The following ZNF649 variants were observed in gnomAD, a reference collection of about 807,000 sequenced individuals.
ZNF649 encodes zinc finger protein 649.
A neutral mutation model predicts 14.1 loss-of-function variants in ZNF649; 7 were observed. That is an observed-to-expected ratio of 0.49 (90% CI 0.28 to 0.93). The LOEUF is 0.93. Among genes scored for constraint, ZNF649 ranks in the 40% least tolerant of loss-of-function variants. The pLI is 0.10. For synonymous variants in ZNF649, 227 were observed against 212.3 expected, an observed-to-expected ratio of 1.07 and a Z score of -0.60; for missense variants, 544 against 608.1, an observed-to-expected ratio of 0.89 and a Z score of 1.11.
intron 2 of ZNF649, chr19:51,899,788 T>C (rs1387306709): frequency 6.4e-6 from 2 of 311,774 alleles, no homozygotes; most frequent in Non-Finnish European, 1.2e-5. Context: ...GTGCACATCA[T>C]GTAACTTACC....
In ZNF649 at chr19:51,899,789, G is replaced by A. The variant is rs1461932387; in HGVS notation, c.15+304C>T. The stretch of plus-strand genomic sequence containing the variant: ...TCTCCTCAGAATCAGTGCACATCAT[G>A]TAACTTACCATGATTCTCTGGGTGT... On this transcript the variant is annotated intron_variant, in intron 2 of 4. Transcript: ENST00000354957. The A allele has an allele frequency of 1.3e-5, 4 of 313,396 alleles. No homozygotes were observed. The East Asian group carries it at 2.0e-4, about 16-fold the overall frequency. 19.4% of individuals were successfully genotyped at this position (313,396 alleles called of 1,614,324 possible). A position where few individuals can be genotyped will look rare whatever the true frequency, so the allele number is the denominator to read the frequency against.
chr19:51,890,837 A>G lies in ZNF649; in HGVS notation c.1299T>C (p.Asp433=). The G allele has an allele frequency of 6.2e-7, 1 of 1,614,250 alleles. No homozygotes were observed. The highest frequency in any genetic ancestry group is 2.2e-5 in the East Asian group (1 of 44,886). ...TATAGAAGTAAGCTTTCTCACACTCATCACAGCCATAGGGTCTCTCTCCCG... is the reference window on the plus strand; with the variant it reads ...TATAGAAGTAAGCTTTCTCACACTCGTCACAGCCATAGGGTCTCTCTCCCG... ...THTGERPYGC[D]ECEKAYFYMS... The change falls in exon 5 of 5, where the codon GAT becomes GAC. Residue 433 remains aspartate, a synonymous_variant. Transcript: ENST00000354957.
intron 1 of ZNF649, among the ~76,000 whole-genome samples, chr19:51,903,967 A>C (rs2085108953): frequency 6.6e-6 from 1 of 152,188 alleles, no homozygotes; most frequent in Non-Finnish European, 1.5e-5. Flanking sequence ...TTGAAAACCG[A>C]ACTTAATCGT....
At chr19:51,904,835 G>C (rs1034407940) in intron 1 of ZNF649, 79 bp downstream of exon 1, 3 of 152,914 alleles carry the variant, frequency 2.0e-5, no homozygotes, top group African/African-American at 7.2e-5. Context: ...CCACCGCCCA[G>C]GCCGCCAGCT....
intron 4 of ZNF649, among the ~76,000 whole-genome samples, chr19:51,894,760 A>G (rs1038666987): frequency 6.6e-6 from 1 of 152,176 alleles, no homozygotes. Flanking sequence ...CAAGAAAGAC[A>G]TTTCTGTTTC....
In ZNF649 at chr19:51,890,710, T is replaced by C. The variant is rs115110562; in HGVS notation, c.1426A>G (p.Ser476Gly). The change falls in exon 5 of 5, where the codon AGT becomes GGT. Residue 476 changes from serine (S) to glycine (G), a missense_variant. By Grantham distance (56) the Ser-to-Gly change is moderately conservative (BLOSUM62 0). Transcript: ENST00000354957. Reference protein sequence around the residue: ...PSTASHSLSPSEHVQGKSPVN... With the variant: ...PSTASHSLSPGEHVQGKSPVN... The stretch of plus-strand genomic sequence containing the variant: ...GGGCTTTTCCCCTGCACATGTTCAC[T>C]AGGACTTAAGCTGTGACTTGCTGTG... 1,065 of 1,614,238 alleles carry C rather than the reference T, an allele frequency of 6.6e-4. 7 individuals are homozygous for C. The African/African-American group carries it at 0.013, about 20-fold the overall frequency.
rs765749940 is a variant in ZNF649 at position 51,891,447 on chromosome 19, C to T, written c.689G>A (p.Gly230Glu). Residue 230 changes from glycine to glutamate, a missense_variant, in exon 5 of 5, where the codon GGA (glycine) becomes GAA (glutamate). Transcript: ENST00000354957. This position sits in a 1 kb window ranked among gnomAD's most constrained non-coding sequence, Gnocchi z 4.2. ...RLTEHERAHR[G>E]EKPHGCSLCG... ...CAAGCTACACCCGTGGGGTTTCTCT[C>T]CTCTGTGAGCTCTCTCGTGTTCAGT... 1.2e-6 allele frequency: 2 copies of T among 1,613,870 alleles called. No homozygotes were observed. The highest frequency in any genetic ancestry group is 1.1e-5 in the South Asian group (1 of 91,058).
At chr19:51,903,160 T>G (rs569182876) in intron 1 of ZNF649, among the ~76,000 whole-genome samples, 1 of 152,200 alleles carries the variant, frequency 6.6e-6, no homozygotes, top group South Asian at 2.1e-4. Context: ...GAGACTCAGT[T>G]CACCACCCTC....
Position 51,890,424 on chromosome 19 carries a change from T to C in ZNF649, c.*194A>G, listed in dbSNP as rs921367004. 1.9e-5 allele frequency: 10 copies of C among 513,186 alleles called. No individual in the cohort carries two copies. Among genetic ancestry groups the C allele is most frequent in the African/African-American group, 1.5e-4 (8 of 52,190 alleles). 31.8% of individuals were successfully genotyped at this position (513,186 alleles called of 1,614,324 possible). Reference sequence around the variant, plus strand: ...AAACTGCCCCCCTCCCCAGCCAAACTCTATGATCAAGATAGTAAATGAAAA... The same window carrying C: ...AAACTGCCCCCCTCCCCAGCCAAACCCTATGATCAAGATAGTAAATGAAAA... On this transcript the variant is annotated 3_prime_UTR_variant, in exon 5 of 5. Coordinates refer to ENST00000354957, the MANE Select transcript of ZNF649 (RefSeq NM_023074.4).
intron 1 of ZNF649, chr19:51,904,361 C>T (rs1387037831): frequency 1.3e-5 from 2 of 152,160 alleles, no homozygotes; most frequent in Non-Finnish European, 1.5e-5. Flanking sequence ...ATTGCAATTT[C>T]CCTGTCTTAA....
At chr19:51,892,748 T>C (rs1393568191) in intron 4 of ZNF649, among the ~76,000 whole-genome samples, 6 of 152,060 alleles carry the variant, frequency 3.9e-5, no homozygotes, top group Non-Finnish European at 8.8e-5. Context: ...AAAACTGCAG[T>C]CAATACTCTA....
chr19:51,891,125 T>C lies in ZNF649; in HGVS notation c.1011A>G (p.Gln337=). ...FIQKGNLNIH[Q]RTHTGEKPYG... ...AAGGTTTCTCTCCAGTGTGAGTTCG[T>C]TGATGTATGTTGAGATTGCCCTTCT... Residue 337 remains glutamine (Q), a synonymous_variant, in exon 5 of 5, where the codon CAA becomes CAG. Coordinates refer to ENST00000354957, the MANE Select transcript of ZNF649 (RefSeq NM_023074.4). This position sits in a 1 kb window ranked among gnomAD's most constrained non-coding sequence, Gnocchi z 4.2. The C allele has an allele frequency of 6.2e-7, 1 of 1,614,132 alleles. No individual in the cohort carries two copies. Among genetic ancestry groups the C allele is most frequent in the East Asian group, 2.2e-5 (1 of 44,878 alleles).
intron 2 of ZNF649, 78 bp downstream of exon 2, chr19:51,900,015 T>C: frequency 7.6e-7 from 1 of 1,308,798 alleles, no homozygotes; most frequent in Non-Finnish European, 1.0e-6. Flanking sequence ...ATACTTTTAA[T>C]GTAAATGAAC....
chr19:51,900,083 C>A lies in ZNF649; in HGVS notation c.15+10G>T. On this transcript the variant is annotated intron_variant, in intron 2 of 4. Coordinates refer to ENST00000354957, the MANE Select transcript of ZNF649 (RefSeq NM_023074.4). ...GAATCGAGTTAAGAATAAAACAAAC[C>A]AAAAGTTACCTGGGCCTTTGTCATT... The A allele has an allele frequency of 6.6e-7, 1 of 1,521,472 alleles. No individual in the cohort carries two copies. Among genetic ancestry groups the A allele is most frequent in the Admixed American group, 2.1e-5 (1 of 48,700 alleles). The allele number at this position is 1,521,472 out of a possible 1,614,324, so 94.2% of individuals were successfully genotyped here.
chr19:51,896,960 C>T lies in ZNF649; in HGVS notation c.34G>A (p.Asp12Asn). ...TKAQESLTLEDVAVDFTWEEW... is the reference protein window; with the variant it reads ...TKAQESLTLENVAVDFTWEEW... ...TCCCAGGTGAAGTCCACAGCCACAT[C>T]CTCCAGGGTCAGTGATTCCTGTAAT... Residue 12 changes from aspartate (D) to asparagine (N), a missense_variant, in exon 3 of 5, where the codon GAT (aspartate) becomes AAT (asparagine). Asp to Asn is a conservative substitution (Grantham distance 23). Coordinates refer to ENST00000354957, the MANE Select transcript of ZNF649 (RefSeq NM_023074.4). The T allele has an allele frequency of 6.2e-7, 1 of 1,614,218 alleles. No homozygotes were observed. Among genetic ancestry groups the T allele is most frequent in the African/African-American group, 1.3e-5 (1 of 75,070 alleles).
intron 4 of ZNF649, among the ~76,000 whole-genome samples, chr19:51,895,351 T>C (rs1161098968): frequency 1.3e-5 from 2 of 152,152 alleles, no homozygotes; most frequent in African/African-American, 4.8e-5. Context: ...TTTCGTTTCT[T>C]TTTGTTTTTT....
intron 1 of ZNF649, among the ~76,000 whole-genome samples, chr19:51,901,046 C>T (rs1370079224): frequency 1.3e-5 from 2 of 152,316 alleles, no homozygotes; most frequent in Middle Eastern, 3.4e-3. Flanking sequence ...GTTTCAAGTT[C>T]AGTCTCTTTG....
At chr19:51,892,605 T>C (rs1177701766) in intron 4 of ZNF649, among the ~76,000 whole-genome samples, 1 of 152,140 alleles carries the variant, frequency 6.6e-6, no homozygotes, top group Non-Finnish European at 1.5e-5. Flanking sequence ...AAAGGCAAGT[T>C]AGAATGTTGG....
chr19:51,894,993 C>A (rs762315969), intron 4 of ZNF649, among the ~76,000 whole-genome samples: 2 of 152,182 alleles, frequency 1.3e-5, no homozygotes, highest in Non-Finnish European at 2.9e-5. Flanking sequence ...AAAAGTATGA[C>A]CTCTCTTCAG....
Sources: gnomAD v4.1 joint callset for allele counts (sites outside exome capture counted in the v4.1 genomes callset) on GRCh38, gnomAD v4.1.1 for gene constraint, Gnocchi (gnomAD v3.1) non-coding constraint, MANE v1.5 for transcripts, NCBI Gene and HGNC (gene_info 2026-07-23, HGNC 2026-07-21) for gene names.